PIK3C2A: variants seen among roughly 807,000 people sequenced by gnomAD.
PIK3C2A encodes the protein phosphatidylinositol 4-phosphate 3-kinase C2 domain-containing subunit alpha.
PIK3C2A carries 97 observed loss-of-function variants against 204.5 expected under a neutral mutation model. The ratio of observed to expected loss-of-function variants is 0.47; its 90% CI spans 0.40 to 0.56. The LOEUF (loss-of-function observed/expected upper bound fraction) is 0.56, where lower values mean the gene tolerates loss of function less well. Ranked by LOEUF, PIK3C2A falls within the 20% of genes least tolerant of loss-of-function variation. PIK3C2A has a pLI of 0.00. For synonymous variants in PIK3C2A, 653 were observed against 664.4 expected (o/e 0.98, Z 0.26); for missense variants, 1,735 against 1,969.2 (o/e 0.88, Z 2.25).
chr11:17,091,242 CTTGCACA>C, intron 32 of PIK3C2A, 85 bp downstream of exon 32: 1 of 1,148,646 alleles, frequency 8.7e-7, no homozygotes, highest in South Asian at 1.5e-5. Context: ...ATGTAACAAA[CTTGCACA>C]TCCTGCTTAC....
In PIK3C2A at chr11:17,129,364, T is replaced by C. The variant is rs747605312; in HGVS notation, c.2335A>G (p.Asn779Asp). The change falls in exon 13 of 33, where the codon AAT becomes GAT. Residue 779 changes from asparagine to aspartate, a missense_variant. By Grantham distance (23) the Asn-to-Asp change is conservative. Coordinates refer to ENST00000691414, the MANE Select transcript of PIK3C2A (RefSeq NM_002645.4). The stretch of plus-strand genomic sequence containing the variant: ...GCTTCTGGTCCCTTTCTCTGCTTAT[T>C]AGAATCAGGGGAACTTCCACTGCTC... ...NQSSGSSPDS[N>D]KQRKGPEALG... is the part of the protein sequence containing the mutation. 7.4e-6 allele frequency: 12 copies of C among 1,613,620 alleles called. No homozygotes were observed. The highest frequency in any genetic ancestry group is 3.3e-4 in the Middle Eastern group (2 of 6,084).
intron 23 of PIK3C2A, among the ~76,000 whole-genome samples, chr11:17,104,364 T>C (rs1254061416): frequency 6.6e-6 from 1 of 152,206 alleles, no homozygotes; most frequent in Non-Finnish European, 1.5e-5. Context: ...ACAGCCATAG[T>C]ATATGCTATA....
Position 17,190,759 on chromosome 11 carries a change from C to T in PIK3C2A, c.-66+17089G>A, listed in dbSNP as rs368461100. ...GACTAAGCAGAAGGATTGATAAACC[C>T]GAGGACAGATCAATAGAAAATATCC... is the stretch of plus-strand genomic sequence containing the variant. On this transcript the variant is annotated intron_variant, in intron 1 of 32. Transcript: ENST00000691414. 3.3e-4 allele frequency among the ~76,000 whole-genome samples: 50 copies of T among 151,586 alleles called. 1 individual carries two copies. In the South Asian group the frequency reaches 0.01, roughly 31 times the overall value.
rs1214600724 is a variant in PIK3C2A at position 17,089,516 on chromosome 11, A to G, written c.*222T>C. 2.2e-6 allele frequency: 1 copy of G among 461,070 alleles called. No individual in the cohort carries two copies. The highest frequency in any genetic ancestry group is 3.9e-6 in the Non-Finnish European group (1 of 258,356). The allele number at this position is 461,070 out of a possible 1,614,324, so 28.6% of individuals were successfully genotyped here. ...TGTAGCATTCTACATAATGACTTTAAAACAGCAATGGCTTCCAAAAATTCA... is the reference window on the plus strand; with the variant it reads ...TGTAGCATTCTACATAATGACTTTAGAACAGCAATGGCTTCCAAAAATTCA... On this transcript the variant is annotated 3_prime_UTR_variant, in exon 33 of 33. Transcript: ENST00000691414.
intron 1 of PIK3C2A, among the ~76,000 whole-genome samples, chr11:17,205,567 T>C (rs1006212958): frequency 6.6e-6 from 1 of 151,510 alleles, no homozygotes; most frequent in African/African-American, 2.4e-5. Context: ...GCTCTGATGC[T>C]CTATAAGAAC....
rs183506272 is a variant in PIK3C2A at position 17,171,752 on chromosome 11, A to T, written c.-65-1946T>A. On this transcript the variant is annotated intron_variant, in intron 1 of 32. Transcript: ENST00000691414. ...ATGCACAAAGCACTTAGAGGAAAGT[A>T]CTAATGTCTACAATTTACTTTGTTG... Among the ~76,000 whole-genome samples, 14 of 152,328 alleles carry T rather than the reference A, an allele frequency of 9.2e-5. No individual in the cohort carries two copies. In the East Asian group the frequency reaches 2.7e-3, roughly 29 times the overall value.
rs1232171131 is a variant in PIK3C2A at position 17,087,687 on chromosome 11, A to G, written c.*2051T>C. On this transcript the variant is annotated 3_prime_UTR_variant, in exon 33 of 33. Transcript: ENST00000691414. ...GCTAAGTGATAACTGGTGGAATGGA[A>G]TTCGGTCTCAAAAGCTTAAGTGAAA... 6.6e-6 allele frequency: 1 copy of G among 152,194 alleles called. No individual in the cohort carries two copies. Among genetic ancestry groups the G allele is most frequent in the African/African-American group, 2.4e-5 (1 of 41,456 alleles). The allele number at this position is 152,194 out of a possible 1,614,324, so 9.4% of individuals were successfully genotyped here. A position where few individuals can be genotyped will look rare whatever the true frequency, so the allele number is the denominator to read the frequency against.
intron 1 of PIK3C2A, among the ~76,000 whole-genome samples, chr11:17,200,529 A>G (rs1327395796): frequency 1.3e-5 from 2 of 152,210 alleles, no homozygotes; most frequent in Non-Finnish European, 2.9e-5. Context: ...GCCAATTTAT[A>G]TGGCATTTTG....
In PIK3C2A at chr11:17,100,578, T is replaced by C. The variant is rs562572505; in HGVS notation, c.4009-609A>G. On this transcript the variant is annotated intron_variant, in intron 25 of 32. Transcript: ENST00000691414. ...GGGGTACAAGTACAATTTTGGTACA[T>C]GTATGTATCACATAGTGATAAAGTC... is the stretch of plus-strand genomic sequence containing the variant. Among the ~76,000 whole-genome samples the C allele has an allele frequency of 9.7e-4, 148 of 152,272 alleles. 1 individual carries two copies. Among genetic ancestry groups the C allele is most frequent in the African/African-American group, 3.3e-3 (137 of 41,556 alleles).
intron 13 of PIK3C2A, among the ~76,000 whole-genome samples, chr11:17,128,681 A>G (rs1849599494): frequency 6.6e-6 from 1 of 152,176 alleles, no homozygotes; most frequent in African/African-American, 2.4e-5. Context: ...TCCTTAAAAC[A>G]TAATTAAAAT....
intron 8 of PIK3C2A, chr11:17,141,262 T>A (rs1430923958): frequency 6.7e-6 from 1 of 148,752 alleles, no homozygotes; most frequent in Non-Finnish European, 1.5e-5. Context: ...TGCTTTCTGC[T>A]CTTCTTTTCT....
intron 3 of PIK3C2A, among the ~76,000 whole-genome samples, chr11:17,151,439 T>G (rs1850423630): frequency 6.6e-6 from 1 of 152,200 alleles, no homozygotes; most frequent in Non-Finnish European, 1.5e-5. Flanking sequence ...AGAAGTATTG[T>G]ATACTTGCTT....
At chr11:17,110,242 T>C (rs1848955048) in intron 22 of PIK3C2A, among the ~76,000 whole-genome samples, 190 bp downstream of exon 22, 1 of 152,112 alleles carries the variant, frequency 6.6e-6, no homozygotes, top group Non-Finnish European at 1.5e-5. Context: ...CATGAGCCAC[T>C]ATGCCCGGCC....
intron 13 of PIK3C2A, among the ~76,000 whole-genome samples, chr11:17,123,789 T>C (rs1020574911): frequency 2.0e-5 from 3 of 152,122 alleles, no homozygotes; most frequent in African/African-American, 7.2e-5. Flanking sequence ...CCAAGTATGC[T>C]GACCCTTGCC....
intron 8 of PIK3C2A, among the ~76,000 whole-genome samples, chr11:17,145,400 C>T (rs532315676): frequency 6.6e-6 from 1 of 152,150 alleles, no homozygotes; most frequent in Non-Finnish European, 1.5e-5. Flanking sequence ...TGAGATCTGA[C>T]GATTTTATAA....
intron 23 of PIK3C2A, among the ~76,000 whole-genome samples, chr11:17,104,296 C>G (rs185013109): frequency 7.2e-5 from 11 of 152,240 alleles, no homozygotes; most frequent in Admixed American, 2.6e-4. Context: ...TTTCACTATG[C>G]AGTGCTTCAT....
intron 1 of PIK3C2A, among the ~76,000 whole-genome samples, chr11:17,191,414 T>C (rs1851939180): frequency 6.6e-6 from 1 of 152,168 alleles, no homozygotes; most frequent in Admixed American, 6.5e-5. Flanking sequence ...GAAGTCCTAA[T>C]TTGAAAATCT....
At chr11:17,184,335 C>T (rs571619015) in intron 1 of PIK3C2A, among the ~76,000 whole-genome samples, 1 of 151,896 alleles carries the variant, frequency 6.6e-6, no homozygotes, top group Non-Finnish European at 1.5e-5. Flanking sequence ...ATTATGGCCC[C>T]TGAGGACTTC....
At chr11:17,196,003 C>A (rs113740461) in intron 1 of PIK3C2A, among the ~76,000 whole-genome samples, 4 of 151,978 alleles carry the variant, frequency 2.6e-5, no homozygotes, top group African/African-American at 9.7e-5. Context: ...AGTGCCACTG[C>A]ACTCCAGCCT....
Sources: gnomAD v4.1 joint callset for allele counts (sites outside exome capture counted in the v4.1 genomes callset) on GRCh38, gnomAD v4.1.1 for gene constraint, MANE v1.5 for transcripts, NCBI Gene and HGNC (gene_info 2026-07-23, HGNC 2026-07-21) for gene names.